The following LYN variants were observed in gnomAD, a reference collection of about 807,000 sequenced individuals.
LYN encodes the protein LYN proto-oncogene, Src family tyrosine kinase, also known as tyrosine-protein kinase Lyn.
In LYN, 12 loss-of-function variants were observed where a neutral mutation model predicts 65.0. The observed-to-expected ratio is 0.18, with a 90% CI of 0.12 to 0.30. LYN has a LOEUF of 0.30. LYN is among the 10% of genes least tolerant of loss of function. The probability of loss-of-function intolerance (pLI) is 1.00; values close to 1 mark genes in which losing one functional copy is unlikely to be tolerated. For synonymous variants in LYN, 222 were observed against 221.2 expected, an observed-to-expected ratio of 1.00 and a Z score of -0.03; for missense variants, 380 against 623.2, an observed-to-expected ratio of 0.61 and a Z score of 4.16.
At chr8:55,944,110 G>A (rs1806706595) in intron 2 of LYN, among the ~76,000 whole-genome samples, 1 of 152,086 alleles carries the variant, frequency 6.6e-6, no homozygotes, top group African/African-American at 2.4e-5. Context: ...TGGAGATAAA[G>A]AGTGGATATA....
At chr8:55,959,053 G>C (rs950356295) in intron 8 of LYN, among the ~76,000 whole-genome samples, 2 of 152,318 alleles carry the variant, frequency 1.3e-5, no homozygotes, top group Admixed American at 6.5e-5. Context: ...TACTTCGGCT[G>C]CACCATTTTA....
At chr8:55,988,649 C>G (rs1446719117) in intron 10 of LYN, among the ~76,000 whole-genome samples, 1 of 151,970 alleles carries the variant, frequency 6.6e-6, no homozygotes, top group African/African-American at 2.4e-5. Context: ...TACTTTTTGA[C>G]AGGTTTCTCA....
At chr8:55,977,846 G>C (rs1416837628) in intron 10 of LYN, among the ~76,000 whole-genome samples, 1 of 152,036 alleles carries the variant, frequency 6.6e-6, no homozygotes, top group Admixed American at 6.6e-5. Context: ...TCGAACCCGG[G>C]AAGTTGAGGC....
chr8:55,905,306 G>A (rs140711956), intron 1 of LYN, among the ~76,000 whole-genome samples: 154 of 152,202 alleles, frequency 1.0e-3, no homozygotes, highest in Admixed American at 1.3e-3. Context: ...CAGCTACTCC[G>A]GAGGCTGAGC....
At chr8:55,948,037 G>A (rs1333184692) in intron 4 of LYN, among the ~76,000 whole-genome samples, 2 of 152,002 alleles carry the variant, frequency 1.3e-5, no homozygotes, top group African/African-American at 2.4e-5. Flanking sequence ...GCAGTGGCAT[G>A]ATCATAGCTC....
intron 1 of LYN, among the ~76,000 whole-genome samples, chr8:55,903,855 A>G (rs1805348927): frequency 6.6e-6 from 1 of 152,170 alleles, no homozygotes. Flanking sequence ...CTTTACAGAA[A>G]ATAAAAAGAA....
At chr8:56,005,996 G>C (rs1231551154) in intron 12 of LYN, among the ~76,000 whole-genome samples, 1 of 151,968 alleles carries the variant, frequency 6.6e-6, no homozygotes, top group East Asian at 1.9e-4. Flanking sequence ...AAGGTGGGAG[G>C]ATCACCGAGC....
At chr8:55,905,234 A>G (rs1328675799) in intron 1 of LYN, among the ~76,000 whole-genome samples, 2 of 152,108 alleles carry the variant, frequency 1.3e-5, no homozygotes, top group African/African-American at 4.8e-5. Flanking sequence ...AACATGGTGA[A>G]ACCACATCTC....
At chr8:55,984,515 C>G (rs1808020169) in intron 10 of LYN, among the ~76,000 whole-genome samples, 1 of 152,242 alleles carries the variant, frequency 6.6e-6, no homozygotes, top group African/African-American at 2.4e-5. Context: ...GACCCTCTTC[C>G]TTTTACATTG....
chr8:55,967,264 T>C, intron 9 of LYN, among the ~76,000 whole-genome samples: 1 of 151,292 alleles, frequency 6.6e-6, no homozygotes, highest in East Asian at 1.9e-4. Context: ...ATTCTAATAC[T>C]ACAGATTTAG....
Position 56,014,166 on chromosome 8 carries a change from C to A in LYN, c.*4056C>A, listed in dbSNP as rs1445768450. ...TCCTTGTGAAATAAAACCAGTGAAA[C>A]ACCTTTGTGTAGAATCTCCCTGACT... On this transcript the variant is annotated 3_prime_UTR_variant, in exon 13 of 13. Transcript: ENST00000519728. 1 of 152,184 alleles carries A rather than the reference C, an allele frequency of 6.6e-6. No homozygotes were observed. Among genetic ancestry groups the A allele is most frequent in the Non-Finnish European group, 1.5e-5 (1 of 68,038 alleles). The allele number at this position is 152,184 out of a possible 1,614,324, so 9.4% of individuals were successfully genotyped here.
intron 1 of LYN, among the ~76,000 whole-genome samples, chr8:55,928,871 C>A (rs1440012262): frequency 2.0e-5 from 3 of 151,968 alleles, no homozygotes; most frequent in African/African-American, 7.2e-5. Context: ...TCTAGCTTTT[C>A]TCCTATGTTA....
chr8:55,896,362 G>A (rs755966667), intron 1 of LYN, among the ~76,000 whole-genome samples: 8 of 152,142 alleles, frequency 5.3e-5, no homozygotes, highest in Non-Finnish European at 1.2e-4. Flanking sequence ...CAGGGACATG[G>A]ATGCAGCTGG....
At chr8:55,931,163 ATATAT>A (rs1476332517) in intron 1 of LYN, among the ~76,000 whole-genome samples, 1 of 147,764 alleles carries the variant, frequency 6.8e-6, no homozygotes, top group African/African-American at 2.5e-5. Flanking sequence ...TTTAAATAAA[ATATAT>A]TATATTTTAA....
rs1247127349 is a variant in LYN, at chr8:55,951,934, A to G, written c.488-32A>G. The G allele has an allele frequency of 2.5e-6, 4 of 1,592,972 alleles. No individual in the cohort carries two copies. The South Asian group carries it at 4.5e-5, about 18-fold the overall frequency. On this transcript the variant is annotated intron_variant, in intron 6 of 12. Transcript: ENST00000519728. ...ATAATGCAGATCTTATTTGTGAGATATAAACATTTACTTACACTTTTCCCC... is the reference window on the plus strand; with the variant it reads ...ATAATGCAGATCTTATTTGTGAGATGTAAACATTTACTTACACTTTTCCCC...
chr8:55,928,837 A>G (rs867829213), intron 1 of LYN, among the ~76,000 whole-genome samples: 1 of 152,108 alleles, frequency 6.6e-6, no homozygotes. Flanking sequence ...TGTATGTAAA[A>G]TGTCATCACC....
chr8:55,989,420 T>C (rs936760185), intron 10 of LYN, among the ~76,000 whole-genome samples: 21 of 152,178 alleles, frequency 1.4e-4, no homozygotes, highest in African/African-American at 5.1e-4. Context: ...GGTGTGGTCA[T>C]AGGCAACCCA....
chr8:55,938,918 G>A lies in LYN; in HGVS notation c.-5-2937G>A, dbSNP rs544707593. ...AGTCTTTTAACCTTTCTGAGCCTCAGTTTTCTCCTCTGTAAAGTCATCTGG... is the reference window on the plus strand; with the variant it reads ...AGTCTTTTAACCTTTCTGAGCCTCAATTTTCTCCTCTGTAAAGTCATCTGG... On this transcript the variant is annotated intron_variant, in intron 1 of 12. Coordinates refer to ENST00000519728, the MANE Select transcript of LYN (RefSeq NM_002350.4). Among the ~76,000 whole-genome samples, 22 of 152,256 alleles carry A rather than the reference G, an allele frequency of 1.4e-4. No homozygotes were observed. In the South Asian group the frequency reaches 3.3e-3, roughly 23 times the overall value.
At chr8:55,983,799 C>G (rs748516635) in intron 10 of LYN, among the ~76,000 whole-genome samples, 1 of 152,232 alleles carries the variant, frequency 6.6e-6, no homozygotes, top group East Asian at 1.9e-4. Context: ...CCAGAACTCA[C>G]TCTTTCAACC....
Sources: allele counts gnomAD v4.1 joint callset (sites outside exome capture counted in the v4.1 genomes callset), GRCh38; gene constraint gnomAD v4.1.1; transcripts MANE v1.5; gene names NCBI Gene and HGNC (gene_info 2026-07-23, HGNC 2026-07-21).